NMNAT3: variants seen among roughly 807,000 people sequenced by gnomAD.
NMNAT3 encodes the protein nicotinamide nucleotide adenylyltransferase 3, also known as nicotinamide/nicotinic acid mononucleotide adenylyltransferase 3.
NMNAT3 carries 21 observed loss-of-function variants against 24.8 expected under a neutral mutation model. That is an observed-to-expected ratio of 0.85 (90% CI 0.60 to 1.22). NMNAT3 has a LOEUF of 1.22. NMNAT3 is among the 50% of genes most tolerant of loss of function. The probability of loss-of-function intolerance (pLI) is 0.00; values close to 1 mark genes in which losing one functional copy is unlikely to be tolerated. For synonymous variants in NMNAT3, 136 were observed against 155.2 expected, an observed-to-expected ratio of 0.88 and a Z score of 0.92; for missense variants, 387 against 436.6, an observed-to-expected ratio of 0.89 and a Z score of 1.01.
At chr3:139,676,679 A>G (rs897020872) in intron 1 of NMNAT3, among the ~76,000 whole-genome samples, 8 of 152,182 alleles carry the variant, frequency 5.3e-5, no homozygotes, top group Non-Finnish European at 1.0e-4. Flanking sequence ...TTCTCTCTGA[A>G]TCCTCAGAGC....
intron 1 of NMNAT3, among the ~76,000 whole-genome samples, chr3:139,640,981 G>A (rs1315949734): frequency 6.6e-6 from 1 of 152,120 alleles, no homozygotes; most frequent in Non-Finnish European, 1.5e-5. Flanking sequence ...AATCGCTATT[G>A]TGTTGGCTAG....
chr3:139,666,180 G>A (rs983214493), intron 1 of NMNAT3, among the ~76,000 whole-genome samples: 3 of 152,180 alleles, frequency 2.0e-5, no homozygotes, highest in Non-Finnish European at 4.4e-5. Context: ...ATGGGACAGT[G>A]ACATGCCTCC....
At chr3:139,656,417 T>C (rs1378463571) in intron 1 of NMNAT3, among the ~76,000 whole-genome samples, 1 of 152,208 alleles carries the variant, frequency 6.6e-6, no homozygotes, top group Non-Finnish European at 1.5e-5. Flanking sequence ...ACATCTTCCA[T>C]GTGTGACTGC....
chr3:139,579,150 C>T (rs1050245268), intron 4 of NMNAT3, 95 bp from the exon 5 acceptor site: 1 of 997,578 alleles, frequency 1.0e-6, no homozygotes. Flanking sequence ...TCCAGTGCCT[C>T]ATCCTGAGTG....
At chr3:139,625,879 T>TC (rs1179392188) in intron 3 of NMNAT3, among the ~76,000 whole-genome samples, 1 of 152,160 alleles carries the variant, frequency 6.6e-6, no homozygotes, top group Non-Finnish European at 1.5e-5. Context: ...TGCCTTTACT[T>TC]TGCTTTCGTT....
intron 1 of NMNAT3, among the ~76,000 whole-genome samples, chr3:139,642,273 G>A (rs2056731940): frequency 6.6e-6 from 1 of 152,174 alleles, no homozygotes. Context: ...AGTGGCGTGT[G>A]GCCCAAAGCA....
intron 6 of NMNAT3, chr3:139,569,891 C>A (rs1227141086): frequency 6.6e-6 from 1 of 152,098 alleles, no homozygotes; most frequent in Non-Finnish European, 1.5e-5. Context: ...TGTTGGCCTG[C>A]CTTGCTAGAC....
At chr3:139,576,217 A>AT (rs1423739141) in intron 5 of NMNAT3, 1 of 985,182 alleles carries the variant, frequency 1.0e-6, no homozygotes, top group Admixed American at 6.1e-5. Flanking sequence ...TGACTTTACA[A>AT]TTATAACTGG....
intron 3 of NMNAT3, among the ~76,000 whole-genome samples, chr3:139,618,999 A>G (rs569863163): frequency 1.6e-4 from 25 of 152,224 alleles, no homozygotes; most frequent in East Asian, 5.8e-4. Context: ...GGTTTTACCC[A>G]TGCTGCTTTC....
At chr3:139,623,075 CTT>C (rs1286804254) in intron 3 of NMNAT3, among the ~76,000 whole-genome samples, 1 of 151,626 alleles carries the variant, frequency 6.6e-6, no homozygotes, top group Non-Finnish European at 1.5e-5. Context: ...CTTACTATAA[CTT>C]TTTTACTTTA....
intron 1 of NMNAT3, among the ~76,000 whole-genome samples, chr3:139,650,723 G>A (rs991714152): frequency 2.6e-5 from 4 of 152,130 alleles, no homozygotes; most frequent in Non-Finnish European, 5.9e-5. Context: ...GACACTCTGG[G>A]ACAAATGTGG....
chr3:139,565,261 C>T (rs1193542071), intron 6 of NMNAT3: 3 of 152,138 alleles, frequency 2.0e-5, no homozygotes, highest in Non-Finnish European at 2.9e-5. Flanking sequence ...ATTTCCTTAG[C>T]CAGATTCCTA....
chr3:139,587,616 A>G (rs1446818246), intron 3 of NMNAT3, among the ~76,000 whole-genome samples: 2 of 152,176 alleles, frequency 1.3e-5, no homozygotes, highest in Non-Finnish European at 1.5e-5. Flanking sequence ...CTGAAAATTA[A>G]AAAGTTTACC....
chr3:139,674,548 T>G (rs2057863061), intron 1 of NMNAT3, among the ~76,000 whole-genome samples: 1 of 152,268 alleles, frequency 6.6e-6, no homozygotes, highest in Non-Finnish European at 1.5e-5. Context: ...ATGGAAGATT[T>G]ATCGAGATGA....
At chr3:139,597,560 G>A (rs146227862) in intron 3 of NMNAT3, among the ~76,000 whole-genome samples, 74 of 152,270 alleles carry the variant, frequency 4.9e-4, no homozygotes, top group Middle Eastern at 3.4e-3. Flanking sequence ...AACACTAGCT[G>A]TAACGCCACA....
At chr3:139,605,710 CT>C (rs150398194) in intron 3 of NMNAT3, among the ~76,000 whole-genome samples, 2 of 152,098 alleles carry the variant, frequency 1.3e-5, no homozygotes, top group East Asian at 3.9e-4. Context: ...ATTTGCCTGG[CT>C]TTGAAGTTTT....
At chr3:139,624,771 A>AG (rs2055976990) in intron 3 of NMNAT3, among the ~76,000 whole-genome samples, 1 of 152,152 alleles carries the variant, frequency 6.6e-6, no homozygotes, top group Non-Finnish European at 1.5e-5. Context: ...ATGGTTCAGA[A>AG]TATGGCTTAT....
chr3:139,656,243 C>T (rs2057237295), intron 1 of NMNAT3, among the ~76,000 whole-genome samples: 1 of 152,200 alleles, frequency 6.6e-6, no homozygotes, highest in African/African-American at 2.4e-5. Flanking sequence ...GACCTATTGG[C>T]AGCTTAATGT....
intron 3 of NMNAT3, among the ~76,000 whole-genome samples, chr3:139,622,848 T>A (rs1397812437): frequency 7.3e-6 from 1 of 136,368 alleles, no homozygotes; most frequent in Non-Finnish European, 1.5e-5. Context: ...ATTATATATA[T>A]TATATATATA....
Sources: gnomAD v4.1 joint callset for allele counts (sites outside exome capture counted in the v4.1 genomes callset) on GRCh38, gnomAD v4.1.1 for gene constraint, MANE v1.5 for transcripts, NCBI Gene and HGNC (gene_info 2026-07-23, HGNC 2026-07-21) for gene names.